The following SUGT1 variants were observed in gnomAD, a reference collection of about 807,000 sequenced individuals.
The protein encoded by SUGT1 is SGT1 assembly cochaperone of MIS12 kinetochore complex, also known as protein SGT1 homolog.
A neutral mutation model predicts 56.1 loss-of-function variants in SUGT1; 15 were observed. The ratio of observed to expected loss-of-function variants is 0.27; its 90% CI spans 0.18 to 0.41. The LOEUF (loss-of-function observed/expected upper bound fraction) is 0.41, where lower values mean the gene tolerates loss of function less well. SUGT1 is among the 10% of genes least tolerant of loss of function. The pLI is 1.00. For synonymous variants in SUGT1, 123 were observed against 128.6 expected, an observed-to-expected ratio of 0.96 and a Z score of 0.30; for missense variants, 347 against 382.2, an observed-to-expected ratio of 0.91 and a Z score of 0.77.
chr13:52,661,265 AC>A (rs1962431893), intron 5 of SUGT1, among the ~76,000 whole-genome samples: 3 of 151,792 alleles, frequency 2.0e-5, no homozygotes, highest in African/African-American at 7.3e-5. Context: ...AATCCAGGAA[AC>A]TTTTTTTGTT....
chr13:52,686,082 T>G (rs1834920217), intron 12 of SUGT1, among the ~76,000 whole-genome samples: 1 of 152,130 alleles, frequency 6.6e-6, no homozygotes, highest in African/African-American at 2.4e-5. Flanking sequence ...CGCATGCCAC[T>G]ACGCCTGGCT....
rs946547147 is a variant in SUGT1, at chr13:52,690,495, G to C, written c.*2660G>C. ...ATGTTTCCTTTCCCTTTTAAGGTTAGTCCTGGAATACATGTTTTTCTTGGT... is the reference window on the plus strand; with the variant it reads ...ATGTTTCCTTTCCCTTTTAAGGTTACTCCTGGAATACATGTTTTTCTTGGT... On this transcript the variant is annotated 3_prime_UTR_variant, in exon 13 of 13. Transcript: ENST00000310528. 7 of 152,074 alleles carry C rather than the reference G, an allele frequency of 4.6e-5. No homozygotes were observed. The highest frequency in any genetic ancestry group is 8.8e-5 in the Non-Finnish European group (6 of 68,014). The allele number at this position is 152,074 out of a possible 1,614,324, so 9.4% of individuals were successfully genotyped here. A position where few individuals can be genotyped will look rare whatever the true frequency, so the allele number is the denominator to read the frequency against.
rs141202439 is a variant in SUGT1 at position 52,688,944 on chromosome 13, G to A, written c.*1109G>A. Reference sequence around the variant, plus strand: ...ATAAAGTATAGACTATGGATGACCTGTAGATCTGACTTTGTTTTCTCACCA... The same window carrying A: ...ATAAAGTATAGACTATGGATGACCTATAGATCTGACTTTGTTTTCTCACCA... On this transcript the variant is annotated 3_prime_UTR_variant, in exon 13 of 13. Transcript: ENST00000310528. 5.9e-5 allele frequency: 9 copies of A among 152,292 alleles called. No homozygotes were observed. In the East Asian group the frequency reaches 1.5e-3, roughly 26 times the overall value. 9.4% of individuals were successfully genotyped at this position (152,292 alleles called of 1,614,324 possible).
chr13:52,676,145 A>C, intron 10 of SUGT1, 85 bp from the exon 11 acceptor site: 1 of 1,048,194 alleles, frequency 9.5e-7, no homozygotes, highest in Non-Finnish European at 1.4e-6. Context: ...TCTTAACAAA[A>C]CTTTGATGAC....
In SUGT1 at chr13:52,687,743, G is replaced by A. The variant is rs1352746545; in HGVS notation, c.910G>A (p.Gly304Ser). Residue 304 changes from glycine (G) to serine (S), a missense_variant, in exon 13 of 13, where the codon GGT becomes AGT. Gly to Ser is a moderately conservative substitution (Grantham distance 56). Coordinates refer to ENST00000310528, the MANE Select transcript of SUGT1 (RefSeq NM_006704.5). ...RAMNKSFMES[G>S]GTVLSTNWSD... is the part of the protein sequence containing the mutation. The stretch of plus-strand genomic sequence containing the variant: ...TTATTTTTCATTGCAGATGGAGTCG[G>A]GTGGTACAGTTTTGAGTACCAACTG... 1.3e-6 allele frequency: 2 copies of A among 1,592,772 alleles called. No individual in the cohort carries two copies. Among genetic ancestry groups the A allele is most frequent in the Non-Finnish European group, 1.7e-6 (2 of 1,172,366 alleles).
At chr13:52,687,702 A>G in intron 12 of SUGT1, 32 bp from the exon 13 acceptor site, 2 of 1,515,744 alleles carry the variant, frequency 1.3e-6, no homozygotes, top group Non-Finnish European at 1.8e-6. Flanking sequence ...TATATGGTCC[A>G]GGAATTAATC....
chr13:52,663,280 T>C (rs748425176), intron 7 of SUGT1, among the ~76,000 whole-genome samples, 168 bp downstream of exon 7: 8 of 152,226 alleles, frequency 5.3e-5, no homozygotes, highest in Non-Finnish European at 8.8e-5. Flanking sequence ...TTGATAAATA[T>C]AGAAGTTTCC....
chr13:52,658,579 A>G lies in SUGT1; in HGVS notation c.257+111A>G, dbSNP rs1031377212. The G allele has an allele frequency of 2.0e-5, 19 of 958,950 alleles. 1 individual carries two copies. The African/African-American group carries it at 2.2e-4, about 11-fold the overall frequency. 59.4% of individuals were successfully genotyped at this position (958,950 alleles called of 1,614,324 possible). On this transcript the variant is annotated intron_variant, in intron 4 of 12. Coordinates refer to ENST00000310528, the MANE Select transcript of SUGT1 (RefSeq NM_006704.5). ...AAGTTGTAAAATTCTGTATTTATAC[A>G]TTATATAGCAGAGATATGATTCAAT...
At chr13:52,658,905 G>A (rs1379133262) in intron 4 of SUGT1, among the ~76,000 whole-genome samples, 1 of 151,758 alleles carries the variant, frequency 6.6e-6, no homozygotes, top group Non-Finnish European at 1.5e-5. Context: ...TATTCTTTAA[G>A]AAACTTCTTT....
chr13:52,657,741 T>C (rs2138107590), intron 3 of SUGT1, 119 bp downstream of exon 3: 1 of 857,626 alleles, frequency 1.2e-6, no homozygotes, highest in East Asian at 2.7e-5. Flanking sequence ...CAAGGTAAAG[T>C]AGCTCAAATG....
In SUGT1 at chr13:52,694,539, T is replaced by C. The variant is rs995784470; in HGVS notation, c.*6704T>C. ...AATGTTAAGGAACTTTCGGAAGTTC[T>C]CTGGTTTTCATTTCAATTTCAAAGC... On this transcript the variant is annotated 3_prime_UTR_variant, in exon 13 of 13. Coordinates refer to ENST00000310528, the MANE Select transcript of SUGT1 (RefSeq NM_006704.5). 1.1e-4 allele frequency: 16 copies of C among 152,264 alleles called. No individual in the cohort carries two copies. Among genetic ancestry groups the C allele is most frequent in the African/African-American group, 3.6e-4 (15 of 41,478 alleles). 9.4% of individuals were successfully genotyped at this position (152,264 alleles called of 1,614,324 possible).
chr13:52,674,406 T>G (rs1963063920), intron 10 of SUGT1, among the ~76,000 whole-genome samples: 2 of 152,194 alleles, frequency 1.3e-5, no homozygotes, highest in Admixed American at 1.3e-4. Flanking sequence ...TACATTTCTT[T>G]GCTCCAAAAG....
At position 52,692,288 on chromosome 13, in the gene SUGT1, C is replaced by T. The variant is rs986798128; in HGVS notation, c.*4453C>T. ...ACCCAGGCCTATCAGACTCCATTAC[C>T]CATACTTCTGACAACTGCAATCCTC... On this transcript the variant is annotated 3_prime_UTR_variant, in exon 13 of 13. Transcript: ENST00000310528. 6.6e-6 allele frequency: 1 copy of T among 152,172 alleles called. No homozygotes were observed. The highest frequency in any genetic ancestry group is 1.5e-5 in the Non-Finnish European group (1 of 68,034). 9.4% of individuals were successfully genotyped at this position (152,172 alleles called of 1,614,324 possible).
At position 52,697,733 on chromosome 13, in the gene SUGT1, A is replaced by G. The variant is rs923878889; in HGVS notation, c.*9898A>G. The G allele has an allele frequency of 3.3e-5, 5 of 152,226 alleles. No individual in the cohort carries two copies. The highest frequency in any genetic ancestry group is 5.9e-5 in the Non-Finnish European group (4 of 68,046). 9.4% of individuals were successfully genotyped at this position (152,226 alleles called of 1,614,324 possible). On this transcript the variant is annotated 3_prime_UTR_variant, in exon 13 of 13. Transcript: ENST00000310528. ...GAGCCTTTACTTTAAGGTATGTAGT[A>G]GAATAATATAGGTATCTGAAAAAGA...
Position 52,697,441 on chromosome 13 carries a change from G to A in SUGT1, c.*9606G>A, listed in dbSNP as rs1207224802. 1 of 152,202 alleles carries A rather than the reference G, an allele frequency of 6.6e-6. No individual in the cohort carries two copies. Among genetic ancestry groups the A allele is most frequent in the South Asian group, 2.1e-4 (1 of 4,830 alleles). The allele number at this position is 152,202 out of a possible 1,614,324, so 9.4% of individuals were successfully genotyped here. A position where few individuals can be genotyped will look rare whatever the true frequency, so the allele number is the denominator to read the frequency against. On this transcript the variant is annotated 3_prime_UTR_variant, in exon 13 of 13. Transcript: ENST00000310528. ...GTACAGGAGAGGCCAGATCTTAAAAGCCAGGAGTGGAATTAGGTTTGAGCA... is the reference window on the plus strand; with the variant it reads ...GTACAGGAGAGGCCAGATCTTAAAAACCAGGAGTGGAATTAGGTTTGAGCA...
At chr13:52,676,475 C>A (rs768162149) in intron 11 of SUGT1, among the ~76,000 whole-genome samples, 155 bp downstream of exon 11, 1 of 152,086 alleles carries the variant, frequency 6.6e-6, no homozygotes, top group Admixed American at 6.5e-5. Context: ...TATAAAGTAG[C>A]CTTTCTGTGA....
intron 4 of SUGT1, among the ~76,000 whole-genome samples, chr13:52,658,756 T>TTTTTTTTC (rs1566175722): frequency 9.0e-6 from 1 of 111,650 alleles, no homozygotes. Context: ...TTTTTTTTTT[T>TTTTTTTTC]CAATCTTTTG....
chr13:52,654,693 C>T (rs895812490), intron 2 of SUGT1, among the ~76,000 whole-genome samples: 4 of 152,208 alleles, frequency 2.6e-5, no homozygotes, highest in African/African-American at 9.7e-5. Flanking sequence ...ACAGTAGGTG[C>T]TTTATTGAAT....
intron 12 of SUGT1, among the ~76,000 whole-genome samples, chr13:52,686,846 G>A (rs1156750071): frequency 6.6e-5 from 10 of 152,004 alleles, no homozygotes; most frequent in Admixed American, 1.3e-4. Context: ...CAAGGTGGGC[G>A]GATCACCTGA....
Sources: gnomAD v4.1 joint callset for allele counts (sites outside exome capture counted in the v4.1 genomes callset) on GRCh38, gnomAD v4.1.1 for gene constraint, MANE v1.5 for transcripts, NCBI Gene and HGNC (gene_info 2026-07-23, HGNC 2026-07-21) for gene names.